The following WDPCP variants were observed in gnomAD, a reference collection of about 807,000 sequenced individuals.
WDPCP encodes WD repeat containing planar cell polarity effector.
Under a neutral mutation model 93.1 loss-of-function variants are expected in WDPCP, and 71 were observed. The observed-to-expected ratio is 0.76, with a 90% CI of 0.63 to 0.93. The LOEUF is 0.93. Ranked by LOEUF, WDPCP falls within the 40% of genes least tolerant of loss-of-function variation. The probability of loss-of-function intolerance (pLI) is 0.00; values close to 1 mark genes in which losing one functional copy is unlikely to be tolerated. For missense variants in WDPCP, 844 were observed against 887.4 expected, an observed-to-expected ratio of 0.95 and a Z score of 0.62; for synonymous variants, 315 against 315.0, an observed-to-expected ratio of 1.00 and a Z score of 0.00.
chr2:63,542,516 T>G lies in WDPCP; in HGVS notation c.75+45681A>C, dbSNP rs1459301863. Among the ~76,000 whole-genome samples, 3 of 152,212 alleles carry G rather than the reference T, an allele frequency of 2.0e-5. No individual in the cohort carries two copies. The South Asian group carries it at 6.2e-4, about 31-fold the overall frequency. ...AGTGGCAATTGCGATAATGGTTATA[T>G]CTGCAAAGCAGCAAGTAACTTTATA... On this transcript the variant is annotated intron_variant, in intron 1 of 17. Coordinates refer to ENST00000272321, the MANE Select transcript of WDPCP (RefSeq NM_015910.7).
intron 9 of WDPCP, among the ~76,000 whole-genome samples, chr2:63,418,872 T>C (rs778259547): frequency 3.9e-5 from 6 of 152,290 alleles, no homozygotes; most frequent in Non-Finnish European, 8.8e-5. Context: ...ACACAGGCAG[T>C]GAGTTAGCTA....
intron 2 of WDPCP, among the ~76,000 whole-genome samples, chr2:63,772,041 A>C (rs1032818417): frequency 6.6e-6 from 1 of 151,686 alleles, no homozygotes; most frequent in African/African-American, 2.4e-5. Context: ...AGAATGACTT[A>C]TTTTTCTTTG....
At chr2:63,601,113 T>G (rs577716384) in intron 3 of WDPCP, among the ~76,000 whole-genome samples, 1 of 152,200 alleles carries the variant, frequency 6.6e-6, no homozygotes, top group African/African-American at 2.4e-5. Flanking sequence ...TAACCTTCAC[T>G]TGGGGACATG....
intron 1 of WDPCP, among the ~76,000 whole-genome samples, chr2:63,815,484 A>G (rs1670920110): frequency 6.6e-6 from 1 of 152,230 alleles, no homozygotes; most frequent in African/African-American, 2.4e-5. Flanking sequence ...TAGTCAGGAA[A>G]CACTTGTAAG....
In WDPCP at chr2:63,121,697, G is replaced by A. The variant is rs1669559501; in HGVS notation, c.*309C>T. On this transcript the variant is annotated 3_prime_UTR_variant, in exon 18 of 18. Transcript: ENST00000272321. ...ACTGCCCCTTTTTTAAAGTACCTGG[G>A]AGAACAAAGTTTAAATATTCTATTT... 4 of 462,964 alleles carry A rather than the reference G, an allele frequency of 8.6e-6. No homozygotes were observed. The highest frequency in any genetic ancestry group is 8.3e-4 in the Middle Eastern group (1 of 1,204). 28.7% of individuals were successfully genotyped at this position (462,964 alleles called of 1,614,324 possible).
intron 14 of WDPCP, among the ~76,000 whole-genome samples, chr2:63,197,955 G>A (rs1675584311): frequency 6.6e-6 from 1 of 152,128 alleles, no homozygotes. Flanking sequence ...AGGTTCTAGG[G>A]ATTAGAATGT....
chr2:63,644,838 A>G (rs1710030216), intron 3 of WDPCP, among the ~76,000 whole-genome samples: 1 of 152,152 alleles, frequency 6.6e-6, no homozygotes, highest in Non-Finnish European at 1.5e-5. Flanking sequence ...GAGTTTCTGC[A>G]GTATCAGCTG....
chr2:63,588,951 C>G, upstream of WDPCP: 1 of 1,582,984 alleles, frequency 6.3e-7, no homozygotes, highest in Non-Finnish European at 8.7e-7. Context: ...GCTAACACCG[C>G]TCGCCCTCTC....
At chr2:63,541,226 G>T (rs1704696192) in intron 1 of WDPCP, among the ~76,000 whole-genome samples, 1 of 152,110 alleles carries the variant, frequency 6.6e-6, no homozygotes, top group Non-Finnish European at 1.5e-5. Context: ...ACCCACCTTG[G>T]CCTCCCAAAG....
At chr2:63,643,538 G>C (rs2106634498) in intron 3 of WDPCP, 1 of 421,102 alleles carries the variant, frequency 2.4e-6, no homozygotes, top group East Asian at 5.9e-5. Flanking sequence ...GATAAAATCA[G>C]TAATCTTGCC....
intron 2 of WDPCP, among the ~76,000 whole-genome samples, chr2:63,756,914 C>T (rs1669976911): frequency 6.6e-6 from 1 of 152,160 alleles, no homozygotes; most frequent in Non-Finnish European, 1.5e-5. Context: ...GCACTTATCA[C>T]TACACTGTGC....
chr2:63,640,090 GCT>G (rs1195771746), intron 3 of WDPCP, among the ~76,000 whole-genome samples: 1 of 152,012 alleles, frequency 6.6e-6, no homozygotes, highest in African/African-American at 2.4e-5. Context: ...CTCACTGCAC[GCT>G]CCGCCTCCCA....
intron 12 of WDPCP, among the ~76,000 whole-genome samples, chr2:63,330,866 G>GTT (rs1558479444): frequency 7.3e-6 from 1 of 136,424 alleles, no homozygotes; most frequent in South Asian, 2.3e-4. Context: ...GTTCCCCAAG[G>GTT]CTTTTTTTTT....
chr2:63,604,752 A>T, intron 3 of WDPCP: 1 of 1,614,202 alleles, frequency 6.2e-7, no homozygotes, highest in African/African-American at 1.3e-5. Flanking sequence ...TTATCTGGGG[A>T]AACCATTCCT....
intron 14 of WDPCP, among the ~76,000 whole-genome samples, chr2:63,230,202 T>G (rs1678726002): frequency 6.6e-6 from 1 of 151,802 alleles, no homozygotes; most frequent in Non-Finnish European, 1.5e-5. Flanking sequence ...TTTCTGTCCT[T>G]GTGATAGTTT....
At chr2:63,511,968 A>G (rs1292002096) in intron 1 of WDPCP, among the ~76,000 whole-genome samples, 2 of 152,242 alleles carry the variant, frequency 1.3e-5, no homozygotes, top group Non-Finnish European at 2.9e-5. Flanking sequence ...GGCAACCTAC[A>G]GAATGGGGGA....
chr2:63,733,624 A>G (rs1364223173), intron 2 of WDPCP, among the ~76,000 whole-genome samples: 3 of 152,244 alleles, frequency 2.0e-5, no homozygotes, highest in African/African-American at 7.2e-5. Context: ...GTGACTAGCA[A>G]GGGCAAGTGT....
At chr2:63,526,969 A>G (rs1553421762) in intron 1 of WDPCP, among the ~76,000 whole-genome samples, 1 of 152,232 alleles carries the variant, frequency 6.6e-6, no homozygotes, top group Non-Finnish European at 1.5e-5. Context: ...TAGGGAAAAG[A>G]ACACACAGCC....
intron 14 of WDPCP, among the ~76,000 whole-genome samples, chr2:63,230,760 C>T (rs1347406321): frequency 2.0e-5 from 3 of 152,116 alleles, no homozygotes; most frequent in African/African-American, 7.2e-5. Context: ...TGTTCATATC[C>T]TTTGCCTACT....
Sources: gnomAD v4.1 joint callset for allele counts (sites outside exome capture counted in the v4.1 genomes callset) on GRCh38, gnomAD v4.1.1 for gene constraint, MANE v1.5 for transcripts, NCBI Gene and HGNC (gene_info 2026-07-23, HGNC 2026-07-21) for gene names.